The following RAPGEF4 variants were observed in gnomAD, a reference collection of about 807,000 sequenced individuals.
RAPGEF4 encodes RAP guanine-nucleotide-exchange factor (GEF) 4.
RAPGEF4 carries 66 observed loss-of-function variants against 147.9 expected under a neutral mutation model. The ratio of observed to expected loss-of-function variants is 0.45; its 90% CI spans 0.37 to 0.55. The LOEUF is 0.55. RAPGEF4 is among the 20% of genes least tolerant of loss of function. RAPGEF4 has a pLI of 0.00. For missense variants in RAPGEF4, 1,071 were observed against 1,257.3 expected (o/e 0.85, Z 2.24); for synonymous variants, 419 against 442.7 (o/e 0.95, Z 0.67).
intron 2 of RAPGEF4, among the ~76,000 whole-genome samples, chr2:172,795,593 G>A (rs1298581806): frequency 6.6e-6 from 1 of 152,208 alleles, no homozygotes; most frequent in Non-Finnish European, 1.5e-5. Flanking sequence ...AAGGGGCAGG[G>A]AGATAGAGTA....
At chr2:172,808,145 C>T (rs1170145351) in intron 3 of RAPGEF4, among the ~76,000 whole-genome samples, 2 of 152,168 alleles carry the variant, frequency 1.3e-5, no homozygotes, top group Non-Finnish European at 2.9e-5. Flanking sequence ...AGTTATATGA[C>T]ACATAACCAT....
chr2:173,044,538 C>T (rs1429898184), intron 29 of RAPGEF4, among the ~76,000 whole-genome samples: 6 of 152,294 alleles, frequency 3.9e-5, no homozygotes, highest in Middle Eastern at 3.4e-3. Context: ...CCTTTCTGCA[C>T]TTCCCTCCTC....
intron 23 of RAPGEF4, among the ~76,000 whole-genome samples, chr2:173,025,922 G>C (rs1252421689): frequency 6.6e-6 from 1 of 152,196 alleles, no homozygotes; most frequent in African/African-American, 2.4e-5. Context: ...TTTAGTGAGG[G>C]GTCTTCCAGA....
Position 173,052,861 on chromosome 2 carries a change from G to T in RAPGEF4, c.*1094G>T, listed in dbSNP as rs1044620937. ...GTATATCTTCTGTAAATAACATCTA[G>T]TATCTTCACTAAATATAATTGTCGA... On this transcript the variant is annotated 3_prime_UTR_variant, in exon 31 of 31. Transcript: ENST00000397081. The T allele has an allele frequency of 6.6e-6, 1 of 151,884 alleles. No individual in the cohort carries two copies. Among genetic ancestry groups the T allele is most frequent in the African/African-American group, 2.4e-5 (1 of 41,308 alleles). 9.4% of individuals were successfully genotyped at this position (151,884 alleles called of 1,614,324 possible).
intron 3 of RAPGEF4, among the ~76,000 whole-genome samples, chr2:172,808,065 G>T (rs1346097355): frequency 6.6e-6 from 1 of 152,168 alleles, no homozygotes; most frequent in Non-Finnish European, 1.5e-5. Context: ...GTGTAAGTTG[G>T]ATTTCAGCTG....
chr2:172,877,798 A>T (rs1221290474), intron 4 of RAPGEF4, among the ~76,000 whole-genome samples: 1 of 152,138 alleles, frequency 6.6e-6, no homozygotes, highest in Non-Finnish European at 1.5e-5. Flanking sequence ...GGAGTGTGTT[A>T]TGGGTGAGGG....
intron 4 of RAPGEF4, among the ~76,000 whole-genome samples, chr2:172,846,011 T>G (rs781709717): frequency 1.3e-5 from 2 of 152,232 alleles, no homozygotes; most frequent in Non-Finnish European, 2.9e-5. Context: ...TTCAACAACA[T>G]AGCAAACCCT....
At chr2:172,778,359 T>C (rs17754945) in intron 1 of RAPGEF4, among the ~76,000 whole-genome samples, 64,236 of 152,008 alleles carry the variant, frequency 0.42, 16,176 homozygotes, top group Middle Eastern at 0.62. Flanking sequence ...TGATTACTAA[T>C]CTAGAGACCT....
chr2:172,961,263 C>A, intron 8 of RAPGEF4, 35 bp downstream of exon 8: 2 of 1,467,650 alleles, frequency 1.4e-6, no homozygotes, highest in African/African-American at 1.4e-5. Context: ...GTGCCCCGCT[C>A]ATATTCATGT....
chr2:172,986,734 C>A (rs1166505048), intron 12 of RAPGEF4, among the ~76,000 whole-genome samples: 3 of 150,254 alleles, frequency 2.0e-5, no homozygotes, highest in Non-Finnish European at 4.4e-5. Context: ...TGCTCTATCA[C>A]CCAGGCTGGA....
chr2:172,897,407 T>G (rs146832529), intron 4 of RAPGEF4, among the ~76,000 whole-genome samples: 494 of 151,822 alleles, frequency 3.3e-3, no homozygotes, highest in South Asian at 5.6e-3. Flanking sequence ...AATATATATA[T>G]ATAGAGAGAG....
chr2:172,769,559 G>T (rs1697165529), intron 1 of RAPGEF4, among the ~76,000 whole-genome samples: 1 of 152,086 alleles, frequency 6.6e-6, no homozygotes, highest in Non-Finnish European at 1.5e-5. Context: ...CCTTTAAGTA[G>T]ATAGGGGGAG....
chr2:173,014,349 T>C (rs1695307821), intron 17 of RAPGEF4, 115 bp from the exon 18 acceptor site: 4 of 1,322,294 alleles, frequency 3.0e-6, no homozygotes, highest in Non-Finnish European at 4.3e-6. Flanking sequence ...GGGGAGGAAT[T>C]CTATCCATCT....
At chr2:172,864,374 T>C (rs56407806) in intron 4 of RAPGEF4, among the ~76,000 whole-genome samples, 9,268 of 152,170 alleles carry the variant, frequency 0.061, 357 homozygotes, top group Middle Eastern at 0.096. Flanking sequence ...GGAAAGAACA[T>C]TGGGCTTCAT....
intron 3 of RAPGEF4, among the ~76,000 whole-genome samples, chr2:172,803,571 C>T (rs1687185960): frequency 6.9e-6 from 1 of 145,286 alleles, no homozygotes; most frequent in Admixed American, 6.9e-5. Context: ...CCATGAAGAT[C>T]TCTGACATGT....
chr2:172,867,708 G>A (rs1694799155), intron 4 of RAPGEF4, among the ~76,000 whole-genome samples: 1 of 152,208 alleles, frequency 6.6e-6, no homozygotes, highest in Non-Finnish European at 1.5e-5. Flanking sequence ...TGTGGTGAAA[G>A]ATAGAACTAA....
intron 11 of RAPGEF4, among the ~76,000 whole-genome samples, chr2:172,984,688 C>A (rs1366463801): frequency 6.6e-6 from 1 of 152,146 alleles, no homozygotes; most frequent in Non-Finnish European, 1.5e-5. Context: ...AAAGCTGAGG[C>A]TCCATGAGCT....
At chr2:172,992,163 C>T (rs1253203791) in intron 15 of RAPGEF4, among the ~76,000 whole-genome samples, 2 of 152,144 alleles carry the variant, frequency 1.3e-5, no homozygotes, top group Non-Finnish European at 2.9e-5. Context: ...GCAAACCACT[C>T]CATATCGAAA....
At chr2:172,795,206 G>T (rs1432010929) in intron 2 of RAPGEF4, 39 bp downstream of exon 2, 2 of 1,555,062 alleles carry the variant, frequency 1.3e-6, no homozygotes, top group African/African-American at 1.4e-5. Flanking sequence ...TCCATGTATG[G>T]TTTATGCTGA....
Sources: gnomAD v4.1 joint callset for allele counts (sites outside exome capture counted in the v4.1 genomes callset) on GRCh38, gnomAD v4.1.1 for gene constraint, MANE v1.5 for transcripts, NCBI Gene and HGNC (gene_info 2026-07-23, HGNC 2026-07-21) for gene names.